Variants in ATP13A5 observed in about 807,000 individuals in gnomAD.
ATP13A5 encodes probable cation-transporting ATPase 13A5.
ATP13A5 carries 149 observed loss-of-function variants against 150.2 expected under a neutral mutation model. The observed-to-expected ratio is 0.99, with a 90% confidence interval of 0.87 to 1.14. The LOEUF (loss-of-function observed/expected upper bound fraction) is 1.14, where lower values mean the gene tolerates loss of function less well. ATP13A5 is among the 50% of genes most tolerant of loss of function. The pLI, the probability that ATP13A5 is intolerant of heterozygous loss-of-function variation, is 0.00. For missense variants in ATP13A5, 1,383 were observed against 1,449.3 expected, an observed-to-expected ratio of 0.95 and a Z score of 0.74; for synonymous variants, 497 against 522.2, an observed-to-expected ratio of 0.95 and a Z score of 0.66.
rs565791988 is a variant in ATP13A5, at chr3:193,312,572, G to C, written c.2320-631C>G. 4.6e-5 allele frequency: 7 copies of C among 152,298 alleles called. 1 individual carries two copies. The South Asian group carries it at 1.5e-3, about 32-fold the overall frequency. 9.4% of individuals were successfully genotyped at this position (152,298 alleles called of 1,614,324 possible). ...CTCTGGCTTGGTTCTAGCCCTCCCT[G>C]GTTCCCAGTTAGGGAGAAAGCATCT... On this transcript the variant is annotated intron_variant, in intron 19 of 29. Coordinates refer to ENST00000342358, the MANE Select transcript of ATP13A5 (RefSeq NM_198505.4).
chr3:193,293,753 T>G (rs1205753203), intron 25 of ATP13A5, among the ~76,000 whole-genome samples: 1 of 152,072 alleles, frequency 6.6e-6, no homozygotes, highest in Admixed American at 6.6e-5. Flanking sequence ...ATGGGTATCA[T>G]GAGATTTCTA....
chr3:193,344,803 C>G (rs1305348784), intron 8 of ATP13A5, among the ~76,000 whole-genome samples, 200 bp downstream of exon 8: 1 of 152,088 alleles, frequency 6.6e-6, no homozygotes, highest in Non-Finnish European at 1.5e-5. Context: ...TTCTCAGGGC[C>G]CTGCAGCTGT....
intron 9 of ATP13A5, among the ~76,000 whole-genome samples, chr3:193,338,388 T>C (rs1711977635): frequency 6.6e-6 from 1 of 152,186 alleles, no homozygotes; most frequent in Admixed American, 6.5e-5. Context: ...ATAGCTCTTA[T>C]TATTTTGAGG....
At chr3:193,315,193 G>T in intron 17 of ATP13A5, 97 bp from the exon 18 acceptor site, 3 of 1,189,856 alleles carry the variant, frequency 2.5e-6, no homozygotes, top group Non-Finnish European at 3.5e-6. Context: ...TTTTATTAAT[G>T]CAATACAGGC....
intron 15 of ATP13A5, 99 bp from the exon 16 acceptor site, chr3:193,321,936 C>T: frequency 7.7e-7 from 1 of 1,293,254 alleles, no homozygotes; most frequent in Non-Finnish European, 1.1e-6. Flanking sequence ...AGCCCAGAGA[C>T]ATCTTGATGT....
intron 18 of ATP13A5, chr3:193,314,467 CA>C (rs1436833324): frequency 2.6e-6 from 1 of 379,508 alleles, no homozygotes; most frequent in Non-Finnish European, 4.8e-6. Flanking sequence ...GACCAATCCT[CA>C]GAAGACAGAC....
intron 5 of ATP13A5, among the ~76,000 whole-genome samples, chr3:193,361,355 C>G (rs1713000122): frequency 6.6e-6 from 1 of 152,166 alleles, no homozygotes; most frequent in African/African-American, 2.4e-5. Flanking sequence ...AACAACAGAT[C>G]AGTAACTCTT....
chr3:193,275,390 C>G, intron 29 of ATP13A5, 88 bp from the exon 30 acceptor site: 1 of 1,472,212 alleles, frequency 6.8e-7, no homozygotes, highest in Non-Finnish European at 9.2e-7. Flanking sequence ...CTCCTTTCCC[C>G]AGGCCTTCCT....
In ATP13A5 at chr3:193,274,854, T is replaced by C. The variant is rs1717111383; in HGVS notation, c.*188A>G. 1 of 723,556 alleles carries C rather than the reference T, an allele frequency of 1.4e-6. No homozygotes were observed. Among genetic ancestry groups the C allele is most frequent in the Non-Finnish European group, 2.3e-6 (1 of 439,674 alleles). 44.8% of individuals were successfully genotyped at this position (723,556 alleles called of 1,614,324 possible). ...CAGGAAATGCATTTTTTTCTCTCAT[T>C]GGTAAAGCATACAGTCAGAATAAGC... On this transcript the variant is annotated 3_prime_UTR_variant, in exon 30 of 30. Transcript: ENST00000342358.
chr3:193,344,179 G>T, intron 8 of ATP13A5, 124 bp from the exon 9 acceptor site: 1 of 1,238,174 alleles, frequency 8.1e-7, no homozygotes, highest in Non-Finnish European at 1.1e-6. Context: ...AACTGTTGAA[G>T]CCCCTTTTTA....
intron 8 of ATP13A5, 97 bp downstream of exon 8, chr3:193,344,906 A>G: frequency 1.6e-6 from 2 of 1,259,278 alleles, no homozygotes; most frequent in Non-Finnish European, 1.2e-6. Flanking sequence ...GTTCAATCTG[A>G]AAAGATTATT....
chr3:193,324,998 T>G lies in ATP13A5; in HGVS notation c.1540A>C (p.Ser514Arg), dbSNP rs1359894775. ...TADNCFQEAH[S>R]FASGQAVPWS... ...GGCACAGCCTGGCCTGAGGCAAAGC[T>G]GTGGGCTTCCTGGAAGCTGGTAGAG... is the stretch of plus-strand genomic sequence containing the variant. Residue 514 changes from serine (S) to arginine (R), a missense_variant, in exon 14 of 30, where the codon AGC becomes CGC. Ser to Arg is a moderately radical substitution (Grantham distance 110, BLOSUM62 -1). Transcript: ENST00000342358. 6.2e-7 allele frequency: 1 copy of G among 1,610,534 alleles called. No individual in the cohort carries two copies. The highest frequency in any genetic ancestry group is 1.3e-5 in the African/African-American group (1 of 74,744).
Position 193,276,789 on chromosome 3 carries a change from C to T in ATP13A5, c.3357G>A (p.Val1119=). 1 of 1,613,520 alleles carries T rather than the reference C, an allele frequency of 6.2e-7. No individual in the cohort carries two copies. The highest frequency in any genetic ancestry group is 2.2e-5 in the East Asian group (1 of 44,834). ...CCACACAGAATTGGGTGAGGGCTAC[C>T]ACCAAAATTAAAACCCTCCACGATG... The part of the protein sequence containing the change: ...TITSWRVLIL[V]VALTQFCVAF... Residue 1119 remains valine (V), a synonymous_variant, in exon 29 of 30, where the codon GTG becomes GTA. Transcript: ENST00000342358.
intron 29 of ATP13A5, among the ~76,000 whole-genome samples, 194 bp downstream of exon 29, chr3:193,276,556 T>C (rs1469588937): frequency 2.6e-5 from 4 of 152,248 alleles, no homozygotes; most frequent in Admixed American, 2.6e-4. Flanking sequence ...CAAGAACATT[T>C]CTATGCAGAC....
At chr3:193,286,618 G>T (rs989690450) in intron 26 of ATP13A5, among the ~76,000 whole-genome samples, 21 of 152,118 alleles carry the variant, frequency 1.4e-4, no homozygotes, top group African/African-American at 4.8e-4. Flanking sequence ...GATAAATATT[G>T]TCTGTGTCTG....
chr3:193,321,447 A>G (rs911107655), intron 16 of ATP13A5, among the ~76,000 whole-genome samples: 1 of 152,100 alleles, frequency 6.6e-6, no homozygotes, highest in African/African-American at 2.4e-5. Context: ...CCTGGCCTAC[A>G]TGGTGAAACC....
intron 5 of ATP13A5, among the ~76,000 whole-genome samples, chr3:193,355,922 C>T (rs768465444): frequency 7.9e-5 from 12 of 152,260 alleles, no homozygotes; most frequent in Non-Finnish European, 1.6e-4. Context: ...GAGCCAGATC[C>T]GACAATCAAG....
intron 26 of ATP13A5, 113 bp from the exon 27 acceptor site, chr3:193,285,229 G>T: frequency 1.3e-6 from 1 of 799,308 alleles, no homozygotes; most frequent in Non-Finnish European, 2.0e-6. Flanking sequence ...AACTATGTCA[G>T]CCAGTAACTA....
intron 17 of ATP13A5, among the ~76,000 whole-genome samples, chr3:193,318,592 C>T (rs1256558124): frequency 6.6e-6 from 1 of 152,152 alleles, no homozygotes; most frequent in Admixed American, 6.5e-5. Context: ...TTTCAAAGTG[C>T]CAACTGTCTC....
Sources: gnomAD v4.1 joint callset for allele counts (sites outside exome capture counted in the v4.1 genomes callset) on GRCh38, gnomAD v4.1.1 for gene constraint, MANE v1.5 for transcripts, NCBI Gene and HGNC (gene_info 2026-07-23, HGNC 2026-07-21) for gene names.